Variants in SPACA7 observed in about 807,000 individuals in gnomAD.
SPACA7 encodes the protein sperm acrosome associated 7, also known as sperm acrosome-associated protein 7.
In SPACA7, 19 loss-of-function variants were observed where a neutral mutation model predicts 26.3. The observed-to-expected ratio is 0.72, with a 90% confidence interval of 0.50 to 1.06. The LOEUF is 1.06. SPACA7 is among the 50% of genes least tolerant of loss of function. The probability of loss-of-function intolerance (pLI) is 0.00; values close to 1 mark genes in which losing one functional copy is unlikely to be tolerated. For synonymous variants in SPACA7, 84 were observed against 84.5 expected (o/e 0.99, Z 0.04); for missense variants, 211 against 229.9 (o/e 0.92, Z 0.53).
At chr13:112,381,538 A>G (rs74402800) in intron 1 of SPACA7, among the ~76,000 whole-genome samples, 3,380 of 151,638 alleles carry the variant, frequency 0.022, 115 homozygotes, top group African/African-American at 0.077. Flanking sequence ...TAACTGCCCA[A>G]GGGGTTCACT....
chr13:112,415,897 G>T (rs1187709612), intron 5 of SPACA7, among the ~76,000 whole-genome samples: 1 of 152,066 alleles, frequency 6.6e-6, no homozygotes, highest in African/African-American at 2.4e-5. Context: ...CCCTCTGTGG[G>T]CACTGGCCTG....
rs1885466949 is a variant in SPACA7 at position 112,399,062 on chromosome 13, G to A, written c.242-4G>A. The A allele has an allele frequency of 6.4e-7, 1 of 1,574,720 alleles. No individual in the cohort carries two copies. Among genetic ancestry groups the A allele is most frequent in the Non-Finnish European group, 8.7e-7 (1 of 1,146,764 alleles). ...CCCATTTTTTTCCATGTTCTTCATT[G>A]AAGATGCTGGTATTGATGAGAATTA... On this transcript the variant is annotated splice_region_variant and splice_polypyrimidine_tract_variant and intron_variant, in intron 3 of 6. Transcript: ENST00000283550.
chr13:112,428,819 CTGT>C lies in SPACA7; in HGVS notation c.446-3623_446-3621del, dbSNP rs1301151530. 2.6e-5 allele frequency among the ~76,000 whole-genome samples: 4 copies of C among 152,016 alleles called. No homozygotes were observed. In the East Asian group the frequency reaches 5.8e-4, roughly 22 times the overall value. On this transcript the variant is annotated intron_variant, in intron 5 of 6. Coordinates refer to ENST00000283550, the MANE Select transcript of SPACA7 (RefSeq NM_145248.5). ...GTTCCTGAAAAGTATGTGTATTATA[CTGT>C]TAAGAGGTGGACTGTTCTATAAATG...
chr13:112,389,121 G>A (rs1884715502), intron 1 of SPACA7, among the ~76,000 whole-genome samples: 1 of 152,200 alleles, frequency 6.6e-6, no homozygotes, highest in South Asian at 2.1e-4. Context: ...TAGTCCCCAA[G>A]CAAGAAGAAG....
intron 1 of SPACA7, among the ~76,000 whole-genome samples, chr13:112,391,562 C>A (rs1884890565): frequency 6.6e-6 from 1 of 152,180 alleles, no homozygotes; most frequent in African/African-American, 2.4e-5. Flanking sequence ...TGGATTCTTA[C>A]AATTACATGG....
At chr13:112,400,202 A>G (rs541589079) in intron 4 of SPACA7, among the ~76,000 whole-genome samples, 7 of 152,358 alleles carry the variant, frequency 4.6e-5, no homozygotes, top group African/African-American at 1.7e-4. Context: ...GTAGGAGCCC[A>G]GGAATCTGCA....
chr13:112,422,756 A>G lies in SPACA7; in HGVS notation c.446-9688A>G, dbSNP rs559117528. 5.9e-5 allele frequency among the ~76,000 whole-genome samples: 9 copies of G among 152,320 alleles called. No individual in the cohort carries two copies. In the South Asian group the frequency reaches 1.9e-3, roughly 32 times the overall value. On this transcript the variant is annotated intron_variant, in intron 5 of 6. Transcript: ENST00000283550. ...GTTTAACCCTTTTCCCATTTAGAAA[A>G]ATGAAGTGCGTCTCACTGCCAGTGC...
At position 112,379,542 on chromosome 13, in the gene SPACA7, A is replaced by G. The variant is rs149032197; in HGVS notation, c.94+3063A>G. ...GACTCATAACTTTATACCAGGACAT[A>G]TCATGGACAGTAAGGACAGTGAAAA... On this transcript the variant is annotated intron_variant, in intron 1 of 6. Coordinates refer to ENST00000283550, the MANE Select transcript of SPACA7 (RefSeq NM_145248.5). 3.3e-3 allele frequency among the ~76,000 whole-genome samples: 501 copies of G among 152,364 alleles called. 1 individual carries two copies. Among genetic ancestry groups the G allele is most frequent in the African/African-American group, 0.011 (477 of 41,588 alleles).
At chr13:112,386,482 C>CT (rs536455764) in intron 1 of SPACA7, among the ~76,000 whole-genome samples, 1 of 152,010 alleles carries the variant, frequency 6.6e-6, no homozygotes, top group Non-Finnish European at 1.5e-5. Context: ...AAAACAGAGT[C>CT]TTTTTTTGTT....
At chr13:112,387,970 C>T (rs540861025) in intron 1 of SPACA7, among the ~76,000 whole-genome samples, 30 of 152,270 alleles carry the variant, frequency 2.0e-4, no homozygotes, top group African/African-American at 7.2e-4. Context: ...TGATGGACAA[C>T]CTCTGAATGG....
At chr13:112,385,932 C>A (rs1011409261) in intron 1 of SPACA7, among the ~76,000 whole-genome samples, 9 of 152,166 alleles carry the variant, frequency 5.9e-5, no homozygotes, top group African/African-American at 2.2e-4. Context: ...GGATGACTGG[C>A]TTCAGGGTGG....
intron 5 of SPACA7, among the ~76,000 whole-genome samples, chr13:112,407,511 C>T (rs145779694): frequency 0.022 from 3,371 of 152,018 alleles, 63 homozygotes; most frequent in Middle Eastern, 0.048. Flanking sequence ...ATCAAACAGA[C>T]GCAACAAAAA....
At chr13:112,414,455 G>A (rs1302328007) in intron 5 of SPACA7, among the ~76,000 whole-genome samples, 28 of 105,622 alleles carry the variant, frequency 2.7e-4, no homozygotes, top group African/African-American at 9.8e-4. Flanking sequence ...CTGTCACTCA[G>A]GCTGTAGTGC....
chr13:112,399,338 C>T (rs967555618), intron 4 of SPACA7, among the ~76,000 whole-genome samples, 165 bp downstream of exon 4: 7 of 152,258 alleles, frequency 4.6e-5, no homozygotes, highest in African/African-American at 1.7e-4. Context: ...TCTGTCGGGG[C>T]TGAGGGACCC....
intron 1 of SPACA7, among the ~76,000 whole-genome samples, chr13:112,392,606 G>A (rs1566461459): frequency 6.6e-6 from 1 of 152,148 alleles, no homozygotes; most frequent in Non-Finnish European, 1.5e-5. Context: ...CGCCTTTCAC[G>A]AAGGAGGTCC....
At chr13:112,426,074 T>C (rs910373856) in intron 5 of SPACA7, among the ~76,000 whole-genome samples, 5 of 152,232 alleles carry the variant, frequency 3.3e-5, no homozygotes, top group Non-Finnish European at 5.9e-5. Flanking sequence ...TTGAGTTAAT[T>C]TGCATATATG....
At position 112,376,855 on chromosome 13, in the gene SPACA7, C is replaced by T. The variant is rs562572893; in HGVS notation, c.94+376C>T. 2.0e-4 allele frequency among the ~76,000 whole-genome samples: 31 copies of T among 152,208 alleles called. No individual in the cohort carries two copies. In the South Asian group the frequency reaches 6.4e-3, roughly 32 times the overall value. ...TCTTGTTTGGGGAGTATTTTAGCAC[C>T]ATCCCAGATGCCTTACCACCTCATG... On this transcript the variant is annotated intron_variant, in intron 1 of 6. Coordinates refer to ENST00000283550, the MANE Select transcript of SPACA7 (RefSeq NM_145248.5).
chr13:112,399,168 A>G lies in SPACA7; in HGVS notation c.344A>G (p.Asn115Ser), dbSNP rs1885475704. The G allele has an allele frequency of 2.6e-6, 4 of 1,516,840 alleles. No individual in the cohort carries two copies. The South Asian group carries it at 3.4e-5, about 13-fold the overall frequency. 94.0% of individuals were successfully genotyped at this position (1,516,840 alleles called of 1,614,324 possible). The change falls in exon 4 of 7, where the codon AAT becomes AGT. Residue 115 changes from asparagine to serine, a missense_variant. Asn to Ser is a conservative substitution (Grantham distance 46, BLOSUM62 1). Transcript: ENST00000283550. Reference sequence around the variant, plus strand: ...CCTGGCATTGAGGTCAAAATTTCCAATGATGGTAAATGCAACCCAGTAATT... The same window carrying G: ...CCTGGCATTGAGGTCAAAATTTCCAGTGATGGTAAATGCAACCCAGTAATT... ...FSPGIEVKIS[N>S]DEANANANLH...
At chr13:112,382,340 C>T (rs1315532275) in intron 1 of SPACA7, 37 of 1,363,998 alleles carry the variant, frequency 2.7e-5, no homozygotes, top group Middle Eastern at 2.6e-4. Context: ...CCTCATGGTC[C>T]GCCCGCCTCA....
Sources: gnomAD v4.1 joint callset for allele counts (sites outside exome capture counted in the v4.1 genomes callset) on GRCh38, gnomAD v4.1.1 for gene constraint, MANE v1.5 for transcripts, NCBI Gene and HGNC (gene_info 2026-07-23, HGNC 2026-07-21) for gene names.